SPATC1: variants seen among roughly 807,000 people sequenced by gnomAD.
SPATC1 encodes speriolin.
SPATC1 carries 35 observed loss-of-function variants against 36.5 expected under a neutral mutation model. That is an observed-to-expected ratio of 0.96 (90% CI 0.73 to 1.27). SPATC1 has a LOEUF of 1.27. Among genes scored for constraint, SPATC1 ranks in the 50% most tolerant of loss-of-function variants. SPATC1 has a pLI of 0.00. For synonymous variants in SPATC1, 361 were observed against 353.6 expected, an observed-to-expected ratio of 1.02 and a Z score of -0.24; for missense variants, 779 against 796.0, an observed-to-expected ratio of 0.98 and a Z score of 0.26.
chr8:144,038,621 T>C (rs542621374), intron 1 of SPATC1, among the ~76,000 whole-genome samples: 17,887 of 151,624 alleles, frequency 0.12, 3,014 homozygotes, highest in African/African-American at 0.37. Context: ...ACTACAGGTG[T>C]GTGCCACCAG....
rs1255733206 is a variant in SPATC1, at chr8:144,037,933, T to G, written c.212-1976T>G. Among the ~76,000 whole-genome samples the G allele has an allele frequency of 5.3e-5, 8 of 151,256 alleles. No individual in the cohort carries two copies. The South Asian group carries it at 1.3e-3, about 24-fold the overall frequency. On this transcript the variant is annotated intron_variant, in intron 1 of 4. Transcript: ENST00000377470. Reference sequence around the variant, plus strand: ...TCATGAGGTCAGGAGATCAAGACCATCCTGGCTAACACGGTGAAACCCTGT... The same window carrying G: ...TCATGAGGTCAGGAGATCAAGACCAGCCTGGCTAACACGGTGAAACCCTGT...
intron 1 of SPATC1, among the ~76,000 whole-genome samples, chr8:144,024,292 A>C: frequency 7.2e-6 from 1 of 138,218 alleles, no homozygotes; most frequent in East Asian, 2.2e-4. Context: ...CTCCCTCAAG[A>C]CCCTCTTCCC....
intron 1 of SPATC1, among the ~76,000 whole-genome samples, chr8:144,029,306 C>T (rs912378131): frequency 6.6e-6 from 1 of 151,432 alleles, no homozygotes; most frequent in Non-Finnish European, 1.5e-5. Context: ...CGGTAGCTCA[C>T]GCCTGTAATC....
At chr8:144,015,730 G>T (rs1350069991) in intron 1 of SPATC1, among the ~76,000 whole-genome samples, 2 of 108,568 alleles carry the variant, frequency 1.8e-5, no homozygotes, top group Non-Finnish European at 3.6e-5. Flanking sequence ...GACTGAGTGA[G>T]ACTCTGTCTC....
intron 1 of SPATC1, among the ~76,000 whole-genome samples, chr8:144,037,360 T>C (rs546094924): frequency 2.7e-5 from 4 of 150,800 alleles, no homozygotes; most frequent in Admixed American, 6.6e-5. Context: ...ACAATGGCGG[T>C]TTTGAGGAAT....
intron 1 of SPATC1, among the ~76,000 whole-genome samples, chr8:144,036,818 G>A (rs1479556125): frequency 6.6e-6 from 1 of 151,964 alleles, no homozygotes; most frequent in African/African-American, 2.4e-5. Flanking sequence ...TAGGGTGTTT[G>A]TCATCAGGGA....
rs953270178 is a variant in SPATC1, at chr8:144,026,398, T to C, written c.212-13511T>C. On this transcript the variant is annotated intron_variant, in intron 1 of 4. Coordinates refer to ENST00000377470, the MANE Select transcript of SPATC1 (RefSeq NM_198572.3). ...ATTTCCTCCTTTGGGCTATTATGAA[T>C]AATGCCGCTATGAACATTCATGTAC... is the stretch of plus-strand genomic sequence containing the variant. 3.6e-3 allele frequency among the ~76,000 whole-genome samples: 544 copies of C among 152,348 alleles called. 13 individuals are homozygous for C. The highest frequency in any genetic ancestry group is 8.4e-4 in the Non-Finnish European group (57 of 68,034).
At chr8:144,025,039 C>T (rs1395733598) in intron 1 of SPATC1, among the ~76,000 whole-genome samples, 1 of 151,468 alleles carries the variant, frequency 6.6e-6, no homozygotes, top group Non-Finnish European at 1.5e-5. Flanking sequence ...CACCTCAGGA[C>T]CCTCTCCCCC....
At chr8:144,031,440 AT>A (rs1252369871) in intron 1 of SPATC1, among the ~76,000 whole-genome samples, 1 of 104,452 alleles carries the variant, frequency 9.6e-6, no homozygotes, top group Non-Finnish European at 1.9e-5. Context: ...TGCTATCAAG[AT>A]TTTTTTTTCT....
upstream of SPATC1, among the ~76,000 whole-genome samples, chr8:144,011,025 C>T (rs537780019): frequency 1.3e-4 from 20 of 151,940 alleles, no homozygotes; most frequent in South Asian, 2.3e-3. The surrounding 1 kb of genome is among the most constrained non-coding windows in gnomAD (Gnocchi z 4.5). Context: ...CTATTAATCA[C>T]GTCTATTAGA....
chr8:144,044,862 T>C (rs1253415352), intron 4 of SPATC1, among the ~76,000 whole-genome samples: 2 of 152,108 alleles, frequency 1.3e-5, no homozygotes, highest in Non-Finnish European at 2.9e-5. Context: ...GGCAGAAGAA[T>C]TGCTTGAACC....
At position 144,040,955 on chromosome 8, in the gene SPATC1, A is replaced by G. The variant is rs1835075194; in HGVS notation, c.1154A>G (p.Asn385Ser). The G allele has an allele frequency of 3.1e-6, 5 of 1,608,174 alleles. No individual in the cohort carries two copies. Among genetic ancestry groups the G allele is most frequent in the African/African-American group, 1.4e-5 (1 of 74,062 alleles). ...NLPVPHCPPH[N>S]AHSPPRTSSS... ...CCTGTCCCCCACTGTCCTCCACACA[A>G]CGCCCACTCCCCACCTCGTACCTCA... Residue 385 changes from asparagine to serine, a missense_variant, in exon 3 of 5, where the codon AAC becomes AGC. Coordinates refer to ENST00000377470, the MANE Select transcript of SPATC1 (RefSeq NM_198572.3).
At chr8:144,024,820 C>G (rs1215256859) in intron 1 of SPATC1, among the ~76,000 whole-genome samples, 1 of 94,454 alleles carries the variant, frequency 1.1e-5, no homozygotes, top group African/African-American at 4.0e-5. Flanking sequence ...TGAGGACCCT[C>G]TTCCCTCAGG....
intron 1 of SPATC1, among the ~76,000 whole-genome samples, chr8:144,034,296 G>C (rs1316163481): frequency 1.3e-5 from 2 of 152,260 alleles, no homozygotes; most frequent in Admixed American, 1.3e-4. Context: ...CTCCACATGA[G>C]GCTGGGCCAC....
chr8:144,041,486 G>C (rs1438446354), intron 4 of SPATC1, 115 bp downstream of exon 4: 1 of 1,353,820 alleles, frequency 7.4e-7, no homozygotes, highest in African/African-American at 1.4e-5. Flanking sequence ...CCCTGGGATA[G>C]AGGAAGCTGA....
In SPATC1 at chr8:144,045,205, A is replaced by G. The variant is rs981178169; in HGVS notation, c.1447-1422A>G. On this transcript the variant is annotated intron_variant, in intron 4 of 4. Coordinates refer to ENST00000377470, the MANE Select transcript of SPATC1 (RefSeq NM_198572.3). This position sits in a 1 kb window ranked among gnomAD's most constrained non-coding sequence, Gnocchi z 5.2. ...GCCCTCACTCTTGCGCTGAACCTCA[A>G]TGGTGTCTTCCTGCCCCCCACAACT... Among the ~76,000 whole-genome samples the G allele has an allele frequency of 2.6e-5, 4 of 152,212 alleles. No individual in the cohort carries two copies. Among genetic ancestry groups the G allele is most frequent in the Non-Finnish European group, 5.9e-5 (4 of 68,034 alleles).
At chr8:144,011,467 G>A (rs1322433049), upstream of SPATC1, among the ~76,000 whole-genome samples, 3 of 152,104 alleles carry the variant, frequency 2.0e-5, no homozygotes, top group East Asian at 3.9e-4. The surrounding 1 kb of genome is among the most constrained non-coding windows in gnomAD (Gnocchi z 4.5). Context: ...ATTCTACCAG[G>A]AGTCTGTCCT....
chr8:144,031,224 G>C (rs905803768), intron 1 of SPATC1, among the ~76,000 whole-genome samples: 15 of 151,986 alleles, frequency 9.9e-5, no homozygotes, highest in South Asian at 4.2e-4. Flanking sequence ...AATCCCCTCA[G>C]CTTTTGTTTA....
rs1170323511 is a variant in SPATC1, at chr8:144,046,613, C to T, written c.1447-14C>T. ...GTGGCAAGGGAGGGTCCCTGATGGC[C>T]GCTGTCCCCACAGGCTTCCCTGAAC... On this transcript the variant is annotated splice_polypyrimidine_tract_variant and intron_variant, in intron 4 of 4. Transcript: ENST00000377470. The surrounding 1 kb of genome is among the most constrained non-coding windows in gnomAD (Gnocchi z 6.6). 1.0e-5 allele frequency: 16 copies of T among 1,598,346 alleles called. No individual in the cohort carries two copies. The highest frequency in any genetic ancestry group is 2.2e-5 in the South Asian group (2 of 90,348).
Sources: allele counts gnomAD v4.1 joint callset (sites outside exome capture counted in the v4.1 genomes callset), GRCh38; gene constraint gnomAD v4.1.1; non-coding constraint Gnocchi (gnomAD v3.1); transcripts MANE v1.5; gene names NCBI Gene and HGNC (gene_info 2026-07-23, HGNC 2026-07-21).